Variants in SCAPER observed in about 807,000 individuals in gnomAD.
SCAPER encodes the protein S phase cyclin A-associated protein in the endoplasmic reticulum.
A neutral mutation model predicts 182.2 loss-of-function variants in SCAPER; 98 were observed. The observed-to-expected ratio is 0.54, with a 90% CI of 0.46 to 0.64. The LOEUF (loss-of-function observed/expected upper bound fraction) is 0.64, where lower values mean the gene tolerates loss of function less well. Ranked by LOEUF, SCAPER falls within the 30% of genes least tolerant of loss-of-function variation. The pLI, the probability that SCAPER is intolerant of heterozygous loss-of-function variation, is 0.00. For synonymous variants in SCAPER, 605 were observed against 564.6 expected, an observed-to-expected ratio of 1.07 and a Z score of -1.01; for missense variants, 1,432 against 1,690.0, an observed-to-expected ratio of 0.85 and a Z score of 2.68.
rs570765839 is a variant in SCAPER at position 76,372,490 on chromosome 15, A to T, written c.3855+3672T>A. 4.6e-5 allele frequency among the ~76,000 whole-genome samples: 7 copies of T among 152,352 alleles called. No individual in the cohort carries two copies. In the South Asian group the frequency reaches 1.4e-3, roughly 32 times the overall value. ...CAGAGATGCCAAAATTGTGTGTTTT[A>T]TCTAAAGGAGAGGATTAGTCTGTGA... On this transcript the variant is annotated intron_variant, in intron 29 of 31. Coordinates refer to ENST00000563290, the MANE Select transcript of SCAPER (RefSeq NM_020843.4).
At chr15:76,846,570 A>G (rs1021084223) in intron 4 of SCAPER, among the ~76,000 whole-genome samples, 2 of 152,210 alleles carry the variant, frequency 1.3e-5, no homozygotes, top group African/African-American at 4.8e-5. Flanking sequence ...AAGAGAAGAC[A>G]TACAAATGGC....
At chr15:76,468,762 T>C (rs745404860) in intron 25 of SCAPER, among the ~76,000 whole-genome samples, 2 of 152,086 alleles carry the variant, frequency 1.3e-5, no homozygotes, top group South Asian at 2.1e-4. Flanking sequence ...AATTCACATG[T>C]TGAAATATAA....
intron 1 of SCAPER, among the ~76,000 whole-genome samples, chr15:76,888,089 G>C (rs914047508): frequency 1.3e-5 from 2 of 152,246 alleles, no homozygotes; most frequent in African/African-American, 4.8e-5. Context: ...TGAGGGACCT[G>C]ACTGTTAGAA....
intron 23 of SCAPER, among the ~76,000 whole-genome samples, chr15:76,562,627 G>A (rs1048324581): frequency 2.6e-5 from 4 of 152,142 alleles, no homozygotes; most frequent in East Asian, 1.9e-4. Context: ...AATAACAAGC[G>A]CTGGAAAGAA....
At chr15:76,637,009 AT>A (rs1351763230) in intron 21 of SCAPER, among the ~76,000 whole-genome samples, 4 of 152,154 alleles carry the variant, frequency 2.6e-5, no homozygotes, top group Non-Finnish European at 4.4e-5. Flanking sequence ...TTGAGATAAA[AT>A]TCATACACTA....
At chr15:76,637,383 C>T (rs78860333) in intron 21 of SCAPER, among the ~76,000 whole-genome samples, 4,979 of 152,112 alleles carry the variant, frequency 0.033, 116 homozygotes, top group Non-Finnish European at 0.049. Context: ...TATAAAGGTT[C>T]CAATTTCTCT....
At chr15:76,654,417 C>A (rs1307096395) in intron 21 of SCAPER, among the ~76,000 whole-genome samples, 5 of 152,068 alleles carry the variant, frequency 3.3e-5, no homozygotes, top group Non-Finnish European at 1.5e-5. Context: ...CAAAACAAAA[C>A]CACAATGAGA....
intron 1 of SCAPER, among the ~76,000 whole-genome samples, chr15:76,899,806 C>T (rs1354441737): frequency 1.3e-5 from 2 of 150,658 alleles, no homozygotes; most frequent in African/African-American, 4.9e-5. Flanking sequence ...CACCTCTGCC[C>T]GGCCGCCCCG....
chr15:76,381,737 G>A (rs2042956521), intron 27 of SCAPER, 122 bp from the exon 28 acceptor site: 3 of 765,912 alleles, frequency 3.9e-6, no homozygotes, highest in Non-Finnish European at 6.2e-6. Context: ...TGTATAGTAT[G>A]GTAACAAGAA....
intron 10 of SCAPER, among the ~76,000 whole-genome samples, chr15:76,768,857 C>T (rs2063272855): frequency 6.6e-6 from 1 of 150,930 alleles, no homozygotes; most frequent in South Asian, 2.1e-4. Context: ...TATACATGTT[C>T]ACATAAAGTT....
Position 76,599,001 on chromosome 15 carries a change from CA to C in SCAPER, c.2711+22762del, listed in dbSNP as rs2049715502. ...GGTAATAAAATGAATATGTATTAAG[CA>C]TAAGGTTACCTGCTAGATTTTAAAA... On this transcript the variant is annotated intron_variant, in intron 22 of 31. Coordinates refer to ENST00000563290, the MANE Select transcript of SCAPER (RefSeq NM_020843.4). Among the ~76,000 whole-genome samples, 2 of 117,274 alleles carry C rather than the reference CA, an allele frequency of 1.7e-5. 1 individual carries two copies. The highest frequency in any genetic ancestry group is 5.2e-5 in the African/African-American group (2 of 38,818). The allele number at this position is 117,274 out of a possible 152,430, so 76.9% of individuals were successfully genotyped here. A position where few individuals can be genotyped will look rare whatever the true frequency, so the allele number is the denominator to read the frequency against.
rs113008251 is a variant in SCAPER at position 76,756,765 on chromosome 15, A to G, written c.1726-2817T>C. ...CAACATCCAACCTAGCACTGTTACTATTTTACATGCTTGCCTCATTTAAGC... is the reference window on the plus strand; with the variant it reads ...CAACATCCAACCTAGCACTGTTACTGTTTTACATGCTTGCCTCATTTAAGC... On this transcript the variant is annotated intron_variant, in intron 14 of 31. Transcript: ENST00000563290. 3.9e-3 allele frequency among the ~76,000 whole-genome samples: 590 copies of G among 152,312 alleles called. 4 individuals are homozygous for G. Among genetic ancestry groups the G allele is most frequent in the African/African-American group, 0.013 (541 of 41,564 alleles).
At chr15:76,865,067 C>G (rs927540728) in intron 2 of SCAPER, among the ~76,000 whole-genome samples, 2 of 152,082 alleles carry the variant, frequency 1.3e-5, no homozygotes, top group South Asian at 4.1e-4. Context: ...ATCACTGATA[C>G]AGAATTATTA....
rs1477336658 is a variant in SCAPER, at chr15:76,576,562, A to G, written c.2712-2278T>C. Among the ~76,000 whole-genome samples, 4 of 152,324 alleles carry G rather than the reference A, an allele frequency of 2.6e-5. No individual in the cohort carries two copies. In the East Asian group the frequency reaches 7.7e-4, roughly 29 times the overall value. On this transcript the variant is annotated intron_variant, in intron 22 of 31. Coordinates refer to ENST00000563290, the MANE Select transcript of SCAPER (RefSeq NM_020843.4). ...ACCAAATTGAACAACTATCCACATA[A>G]AAAAGTACCTTAATAAGAACCGAAA...
intron 16 of SCAPER, 60 bp downstream of exon 16, chr15:76,733,169 G>A: frequency 6.7e-7 from 1 of 1,497,328 alleles, no homozygotes. Context: ...ACCCTGCGGG[G>A]CTGGACCCTA....
chr15:76,854,066 C>G (rs996011285), intron 4 of SCAPER, among the ~76,000 whole-genome samples: 3 of 152,016 alleles, frequency 2.0e-5, no homozygotes, highest in African/African-American at 7.2e-5. Context: ...GTCAGCAGAT[C>G]GAGACCACCC....
At chr15:76,436,233 A>G (rs2047189644) in intron 25 of SCAPER, among the ~76,000 whole-genome samples, 1 of 151,930 alleles carries the variant, frequency 6.6e-6, no homozygotes, top group African/African-American at 2.4e-5. Context: ...ACACCTGGCT[A>G]ATTTTTGTAT....
intron 15 of SCAPER, among the ~76,000 whole-genome samples, chr15:76,738,486 C>T (rs971394836): frequency 2.7e-5 from 4 of 150,284 alleles, no homozygotes; most frequent in African/African-American, 9.8e-5. Flanking sequence ...TGCAGTGAGC[C>T]GACATCACGC....
At chr15:76,560,793 GGA>G (rs1734328823) in intron 23 of SCAPER, among the ~76,000 whole-genome samples, 2 of 152,100 alleles carry the variant, frequency 1.3e-5, no homozygotes, top group East Asian at 3.9e-4. Context: ...CAGTGCTGGG[GGA>G]TATACACCTA....
Sources: gnomAD v4.1 joint callset for allele counts (sites outside exome capture counted in the v4.1 genomes callset) on GRCh38, gnomAD v4.1.1 for gene constraint, MANE v1.5 for transcripts, NCBI Gene and HGNC (gene_info 2026-07-23, HGNC 2026-07-21) for gene names.